The following MED13 variants were observed in gnomAD, a reference collection of about 807,000 sequenced individuals.
The protein encoded by MED13 is mediator complex subunit 13.
A neutral mutation model predicts 225.2 loss-of-function variants in MED13; 23 were observed. The observed-to-expected ratio is 0.10, with a 90% CI of 0.07 to 0.14. MED13 has a LOEUF of 0.14. Among genes scored for constraint, MED13 ranks in the 10% least tolerant of loss-of-function variants. The pLI is 1.00. For missense variants in MED13, 2,197 were observed against 2,594.5 expected (o/e 0.85, Z 3.33); for synonymous variants, 942 against 889.2 (o/e 1.06, Z -1.06).
At chr17:62,061,549 CAAATATATTTTATCAAT>C (rs2081039237) in intron 2 of MED13, among the ~76,000 whole-genome samples, 1 of 152,078 alleles carries the variant, frequency 6.6e-6, no homozygotes, top group Non-Finnish European at 1.5e-5. Flanking sequence ...GTTTTATCAA[CAAATATATTTTATCAAT>C]AGTTTATAGT....
At chr17:61,959,248 C>T (rs1357386157) in intron 23 of MED13, among the ~76,000 whole-genome samples, 1 of 152,188 alleles carries the variant, frequency 6.6e-6, no homozygotes, top group African/African-American at 2.4e-5. Flanking sequence ...CTCCTGACCT[C>T]AGGTGATCCA....
chr17:61,952,706 G>T (rs1044998138), intron 27 of MED13, among the ~76,000 whole-genome samples: 1 of 152,054 alleles, frequency 6.6e-6, no homozygotes, highest in African/African-American at 2.4e-5. Context: ...GGATGATCTC[G>T]GCTCACTACA....
At chr17:62,048,358 T>C (rs1056952375) in intron 3 of MED13, among the ~76,000 whole-genome samples, 15 of 134,306 alleles carry the variant, frequency 1.1e-4, no homozygotes, top group South Asian at 9.0e-4. Flanking sequence ...TGAGCCAAGA[T>C]TGCACCACTG....
chr17:61,990,966 T>C (rs966191271), intron 11 of MED13, among the ~76,000 whole-genome samples: 10 of 152,134 alleles, frequency 6.6e-5, no homozygotes, highest in African/African-American at 2.4e-4. Flanking sequence ...TAAAGTTTAA[T>C]TTAGAAATTG....
intron 11 of MED13, among the ~76,000 whole-genome samples, chr17:61,989,184 GTAT>G: frequency 6.6e-6 from 1 of 151,690 alleles, no homozygotes; most frequent in East Asian, 1.9e-4. Context: ...CTGATTTTTT[GTAT>G]TATTAGTAGA....
rs145166919 is a variant in MED13, at chr17:62,064,813, G to A, written c.66+327C>T. The stretch of plus-strand genomic sequence containing the variant: ...TGAAGCAGGGATACAGGGCCAATAA[G>A]GAGAAAAGCAACAGTTAAGCAAGAC... On this transcript the variant is annotated intron_variant, in intron 1 of 29. Transcript: ENST00000397786. 9.5e-3 allele frequency among the ~76,000 whole-genome samples: 1,442 copies of A among 152,272 alleles called. 10 individuals are homozygous for A. Among genetic ancestry groups the A allele is most frequent in the Middle Eastern group, 0.062 (18 of 292 alleles).
At chr17:62,021,328 C>T (rs577464602) in intron 8 of MED13, among the ~76,000 whole-genome samples, 6 of 147,358 alleles carry the variant, frequency 4.1e-5, no homozygotes, top group African/African-American at 1.5e-4. Flanking sequence ...CTGACCCCCC[C>T]ACCTCCCTCC....
intron 8 of MED13, among the ~76,000 whole-genome samples, chr17:62,016,584 T>C (rs1470665525): frequency 1.3e-5 from 2 of 152,182 alleles, no homozygotes; most frequent in African/African-American, 2.4e-5. Context: ...CTAGTCCAAA[T>C]TGAGATGTGC....
chr17:61,965,125 T>C lies in MED13; in HGVS notation c.4725A>G (p.Gln1575=). The C allele has an allele frequency of 1.2e-6, 2 of 1,614,218 alleles. No homozygotes were observed. The highest frequency in any genetic ancestry group is 8.5e-7 in the Non-Finnish European group (1 of 1,180,028). The stretch of plus-strand genomic sequence containing the variant: ...GCTGACCACTCTGAACTGTATTTGC[T>C]TGTGTAGACATGGATCCTGCAGCAT... ...NSNAAGSMST[Q]ANTVQSGQLG... is the part of the protein sequence containing the mutation. The change falls in exon 20 of 30, where the codon CAA becomes CAG. Residue 1575 remains glutamine, a synonymous_variant. Coordinates refer to ENST00000397786, the MANE Select transcript of MED13 (RefSeq NM_005121.3).
intron 10 of MED13, among the ~76,000 whole-genome samples, chr17:61,993,200 C>CTTT (rs964200883): frequency 1.0e-4 from 11 of 107,686 alleles, no homozygotes; most frequent in African/African-American, 1.6e-4. Context: ...TTCTTTCTTT[C>CTTT]TTTTTTTTTT....
At chr17:62,045,214 A>G (rs1372921013) in intron 3 of MED13, among the ~76,000 whole-genome samples, 3 of 152,232 alleles carry the variant, frequency 2.0e-5, no homozygotes, top group African/African-American at 7.2e-5. Context: ...AGCTGTCTAA[A>G]AAAAGAATTC....
intron 9 of MED13, chr17:62,005,560 T>G (rs2080438785): frequency 6.6e-6 from 1 of 152,232 alleles, no homozygotes; most frequent in Non-Finnish European, 1.5e-5. Flanking sequence ...GAGCCGAGAC[T>G]GCGCCAATGC....
chr17:61,967,375 C>G (rs1319670701), intron 18 of MED13, among the ~76,000 whole-genome samples: 1 of 152,132 alleles, frequency 6.6e-6, no homozygotes, highest in Non-Finnish European at 1.5e-5. Context: ...TAAAAACACA[C>G]TACAAATACC....
At chr17:62,060,747 T>C (rs1204835707) in intron 2 of MED13, among the ~76,000 whole-genome samples, 1 of 151,498 alleles carries the variant, frequency 6.6e-6, no homozygotes, top group Admixed American at 6.6e-5. Flanking sequence ...TCGCCCAGGC[T>C]GGAGTGCAGT....
rs754142385 is a variant in MED13 at position 61,955,492 on chromosome 17, T to C, written c.5858A>G (p.Gln1953Arg). Reference sequence around the variant, plus strand: ...AAGTATATGAGTACATGATGTATCCTGTGGGGTATTTAGCTGAGATGTCTG... The same window carrying C: ...AAGTATATGAGTACATGATGTATCCCGTGGGGTATTTAGCTGAGATGTCTG... Reference protein sequence around the residue: ...NMQTSQLNTPQDTSCTHILVF... With the variant: ...NMQTSQLNTPRDTSCTHILVF... The change falls in exon 26 of 30, where the codon CAG (glutamine) becomes CGG (arginine). Residue 1953 changes from glutamine (Q) to arginine (R), a missense_variant. By Grantham distance (43) the Gln-to-Arg change is conservative. Around this residue, in one of 12 missense-constraint regions of MED13, gnomAD observed 216 missense variants for 388.9 expected, o/e 0.56. Transcript: ENST00000397786. 4.2e-5 allele frequency: 67 copies of C among 1,602,996 alleles called. No homozygotes were observed. The highest frequency in any genetic ancestry group is 5.3e-5 in the Non-Finnish European group (62 of 1,176,496).
chr17:62,008,522 A>G (rs1052304943), intron 9 of MED13, among the ~76,000 whole-genome samples: 2 of 152,024 alleles, frequency 1.3e-5, no homozygotes, highest in Non-Finnish European at 1.5e-5. Flanking sequence ...TTCTGAAGAT[A>G]CCAGAAGACA....
At chr17:61,984,093 G>A (rs2143467367) in intron 15 of MED13, 78 bp downstream of exon 15, 1 of 1,091,436 alleles carries the variant, frequency 9.2e-7, no homozygotes, top group Non-Finnish European at 1.2e-6. Flanking sequence ...TATTTTTCCA[G>A]CATACCAGGT....
intron 11 of MED13, among the ~76,000 whole-genome samples, chr17:61,988,162 C>CA (rs2080264712): frequency 6.6e-6 from 1 of 152,124 alleles, no homozygotes; most frequent in African/African-American, 2.4e-5. Context: ...TGACCCTCGA[C>CA]AAATTACTTA....
chr17:62,059,225 ATTAG>A (rs2081019401), intron 2 of MED13, among the ~76,000 whole-genome samples: 1 of 152,252 alleles, frequency 6.6e-6, no homozygotes, highest in African/African-American at 2.4e-5. Context: ...ATATTGGTTC[ATTAG>A]TTAATTTTTA....
Sources: gnomAD v4.1 joint callset for allele counts (sites outside exome capture counted in the v4.1 genomes callset) on GRCh38, gnomAD v4.1.1 for gene constraint, gnomAD v4.1.1 regional missense constraint, MANE v1.5 for transcripts, NCBI Gene and HGNC (gene_info 2026-07-23, HGNC 2026-07-21) for gene names.